The following G3BP1 variants were observed in gnomAD, a reference collection of about 807,000 sequenced individuals.
G3BP1 encodes G3BP stress granule assembly factor 1.
A neutral mutation model predicts 58.6 loss-of-function variants in G3BP1; 35 were observed. The observed-to-expected ratio is 0.60, with a 90% CI of 0.46 to 0.79. The LOEUF is 0.79. G3BP1 is among the 30% of genes least tolerant of loss of function. The probability of loss-of-function intolerance (pLI) is 0.00; values close to 1 mark genes in which losing one functional copy is unlikely to be tolerated. For synonymous variants in G3BP1, 191 were observed against 195.4 expected (o/e 0.98, Z 0.19); for missense variants, 523 against 580.8 (o/e 0.90, Z 1.02).
At chr5:151,795,318 T>C (rs1303821401) in intron 5 of G3BP1, among the ~76,000 whole-genome samples, 161 bp from the exon 6 acceptor site, 1 of 152,202 alleles carries the variant, frequency 6.6e-6, no homozygotes, top group Non-Finnish European at 1.5e-5. Flanking sequence ...TTCAAAGCCT[T>C]AGTTCTGTCC....
chr5:151,790,330 G>A lies in G3BP1; in HGVS notation c.103G>A (p.Gly35Arg), dbSNP rs1762628776. The change falls in exon 3 of 12, where the codon GGA becomes AGA. Residue 35 changes from glycine (G) to arginine (R), a missense_variant. By Grantham distance (125) the Gly-to-Arg change is moderately radical. Coordinates refer to ENST00000356245, the MANE Select transcript of G3BP1 (RefSeq NM_005754.3). Reference protein sequence around the residue: ...QAPDMLHRFYGKNSSYVHGGL... With the variant: ...QAPDMLHRFYRKNSSYVHGGL... ...CATCTTCCCATTTTACAGATTTTAT[G>A]GAAAGAACTCTTCTTATGTCCATGG... is the stretch of plus-strand genomic sequence containing the variant. 6.5e-7 allele frequency: 1 copy of A among 1,536,824 alleles called. No individual in the cohort carries two copies. Among genetic ancestry groups the A allele is most frequent in the African/African-American group, 1.4e-5 (1 of 71,804 alleles).
intron 1 of G3BP1, among the ~76,000 whole-genome samples, chr5:151,779,461 T>C (rs560387081): frequency 6.6e-6 from 1 of 152,350 alleles, no homozygotes; most frequent in African/African-American, 2.4e-5. Context: ...CTTGGAAATA[T>C]AGTTGTCCAT....
At chr5:151,800,713 A>T in intron 10 of G3BP1, 47 bp from the exon 11 acceptor site, 1 of 1,136,020 alleles carries the variant, frequency 8.8e-7, no homozygotes, top group Non-Finnish European at 1.3e-6. Context: ...TGTAATGTTT[A>T]AAGATAATGG....
In G3BP1 at chr5:151,797,961, A is replaced by G. The variant is rs756164111; in HGVS notation, c.741+533A>G. On this transcript the variant is annotated intron_variant, in intron 7 of 11. Transcript: ENST00000356245. ...CGTCAGGGTGATTGTTAACTGAACT[A>G]TCGTTGAAACCTTTGCATTTGGTGC... Among the ~76,000 whole-genome samples the G allele has an allele frequency of 3.4e-5, 5 of 145,344 alleles. No homozygotes were observed. In the East Asian group the frequency reaches 6.3e-4, roughly 18 times the overall value.
At chr5:151,801,891 T>G (rs997978025) in intron 11 of G3BP1, among the ~76,000 whole-genome samples, 1 of 152,056 alleles carries the variant, frequency 6.6e-6, no homozygotes, top group Non-Finnish European at 1.5e-5. Flanking sequence ...CTTGGCTCAC[T>G]GCAACCTCCA....
At chr5:151,783,916 C>G (rs1052152797) in intron 1 of G3BP1, among the ~76,000 whole-genome samples, 2 of 152,076 alleles carry the variant, frequency 1.3e-5, no homozygotes, top group South Asian at 2.1e-4. Flanking sequence ...GCGCGTGCCA[C>G]CACGGCCAGC....
intron 11 of G3BP1, among the ~76,000 whole-genome samples, chr5:151,803,436 C>T (rs1025511785): frequency 6.6e-6 from 1 of 151,936 alleles, no homozygotes; most frequent in African/African-American, 2.4e-5. Context: ...AACTCTGTCT[C>T]ATTAAAAAAA....
At chr5:151,800,975 C>A in intron 11 of G3BP1, 106 bp downstream of exon 11, 1 of 592,684 alleles carries the variant, frequency 1.7e-6, no homozygotes. Context: ...GCAGTTTATT[C>A]CAACATGTTC....
At chr5:151,794,025 A>G in intron 4 of G3BP1, 134 bp from the exon 5 acceptor site, 1 of 603,162 alleles carries the variant, frequency 1.7e-6, no homozygotes, top group Non-Finnish European at 3.0e-6. Context: ...CCCCACAACA[A>G]CAAAAACTGA....
chr5:151,790,380 A>C lies in G3BP1; in HGVS notation c.153A>C (p.Pro51=). 6.3e-7 allele frequency: 1 copy of C among 1,584,264 alleles called. No individual in the cohort carries two copies. Among genetic ancestry groups the C allele is most frequent in the Middle Eastern group, 1.7e-4 (1 of 5,978 alleles). The change falls in exon 3 of 12, where the codon CCA becomes CCC. Residue 51 remains proline (P), a synonymous_variant. Coordinates refer to ENST00000356245, the MANE Select transcript of G3BP1 (RefSeq NM_005754.3). ...VHGGLDSNGK[P]ADAVYGQKEI... ...GGGGATTGGATTCAAATGGAAAGCC[A>C]GCAGATGCAGTCTACGGACAGAAAG...
At chr5:151,790,253 C>A in intron 2 of G3BP1, 70 bp from the exon 3 acceptor site, 3 of 788,204 alleles carry the variant, frequency 3.8e-6, no homozygotes, top group South Asian at 1.8e-5. Flanking sequence ...AAAAGTTTGC[C>A]AGTATCAGAC....
At chr5:151,781,208 A>C (rs528340280) in intron 1 of G3BP1, among the ~76,000 whole-genome samples, 1 of 152,378 alleles carries the variant, frequency 6.6e-6, no homozygotes, top group East Asian at 1.9e-4. Flanking sequence ...AAAATTTATC[A>C]AAATGAACCC....
intron 6 of G3BP1, among the ~76,000 whole-genome samples, chr5:151,796,231 C>T (rs192661602): frequency 3.3e-5 from 5 of 152,200 alleles, no homozygotes; most frequent in Admixed American, 1.3e-4. Context: ...GCAAACCTAC[C>T]GAATTAGACT....
intron 5 of G3BP1, among the ~76,000 whole-genome samples, chr5:151,795,147 G>A (rs1762728038): frequency 6.6e-6 from 1 of 152,190 alleles, no homozygotes; most frequent in Non-Finnish European, 1.5e-5. Flanking sequence ...CGTGGTGGCA[G>A]GCGCCTTAGT....
chr5:151,797,277 A>C lies in G3BP1; in HGVS notation c.590A>C (p.Asp197Ala). 1 of 1,612,998 alleles carries C rather than the reference A, an allele frequency of 6.2e-7. No homozygotes were observed. Among genetic ancestry groups the C allele is most frequent in the East Asian group, 2.2e-5 (1 of 44,878 alleles). Residue 197 changes from aspartate (D) to alanine (A), a missense_variant, in exon 7 of 12, where the codon GAT (aspartate) becomes GCT (alanine). Coordinates refer to ENST00000356245, the MANE Select transcript of G3BP1 (RefSeq NM_005754.3). ...LEEPVAEPEP[D>A]PEPEPEQEPV... ...GAGCCTGTTGCTGAACCAGAGCCTG[A>C]TCCTGAACCAGAACCAGAACAAGAA...
intron 3 of G3BP1, among the ~76,000 whole-genome samples, 168 bp downstream of exon 3, chr5:151,790,572 T>C (rs1490603002): frequency 2.0e-5 from 3 of 152,218 alleles, no homozygotes; most frequent in Non-Finnish European, 4.4e-5. Context: ...TTGAAATACT[T>C]ATGTGATGTC....
intron 5 of G3BP1, 87 bp downstream of exon 5, chr5:151,794,336 G>A: frequency 2.7e-6 from 2 of 734,702 alleles, no homozygotes; most frequent in East Asian, 2.6e-5. Context: ...TTTCTTTACT[G>A]TTTTCATTAC....
chr5:151,780,754 C>T (rs1456210697), intron 1 of G3BP1, among the ~76,000 whole-genome samples: 3 of 152,114 alleles, frequency 2.0e-5, no homozygotes, highest in Non-Finnish European at 4.4e-5. Flanking sequence ...GCCTCATGAT[C>T]GCCCACCTTG....
At chr5:151,788,088 T>G (rs73281651) in intron 2 of G3BP1, among the ~76,000 whole-genome samples, 2,732 of 152,180 alleles carry the variant, frequency 0.018, 69 homozygotes, top group African/African-American at 0.063. Flanking sequence ...CACGCCCAGC[T>G]AATTTTTTGT....
Sources: allele counts gnomAD v4.1 joint callset (sites outside exome capture counted in the v4.1 genomes callset), GRCh38; gene constraint gnomAD v4.1.1; transcripts MANE v1.5; gene names NCBI Gene and HGNC (gene_info 2026-07-23, HGNC 2026-07-21).